The following ZMYND11 variants were observed in gnomAD, a reference collection of about 807,000 sequenced individuals.
ZMYND11 encodes zinc finger MYND-type containing 11, also known as zinc finger MYND domain-containing protein 11.
ZMYND11 carries 9 observed loss-of-function variants against 84.9 expected under a neutral mutation model. That is an observed-to-expected ratio of 0.11 (90% confidence interval 0.06 to 0.18). ZMYND11 has a LOEUF of 0.18. ZMYND11 is among the 10% of genes least tolerant of loss of function. The pLI is 1.00. For missense variants in ZMYND11, 409 were observed against 761.0 expected, an observed-to-expected ratio of 0.54 and a Z score of 5.44; for synonymous variants, 250 against 244.1, an observed-to-expected ratio of 1.02 and a Z score of -0.23.
chr10:246,688 G>C (rs985712302), intron 10 of ZMYND11, 78 bp from the exon 11 acceptor site: 14 of 1,374,736 alleles, frequency 1.0e-5, no homozygotes, highest in Non-Finnish European at 1.3e-5. Context: ...TGGCAGGCAG[G>C]GTCCACTGAA....
intron 4 of ZMYND11, among the ~76,000 whole-genome samples, chr10:236,557 C>T (rs1284793453): frequency 1.3e-5 from 2 of 152,058 alleles, no homozygotes; most frequent in Admixed American, 1.3e-4. Context: ...ATTTGTTTAT[C>T]TAAAAATTAA....
rs1299715822 is a variant in ZMYND11, at chr10:249,481, TCA to T, written c.1686+394_1686+395del. 27 of 984,754 alleles carry T rather than the reference TCA, an allele frequency of 2.7e-5. No individual in the cohort carries two copies. In the South Asian group the frequency reaches 6.1e-4, roughly 22 times the overall value. 61.0% of individuals were successfully genotyped at this position (984,754 alleles called of 1,614,324 possible). A position where few individuals can be genotyped will look rare whatever the true frequency, so the allele number is the denominator to read the frequency against. On this transcript the variant is annotated intron_variant, in intron 14 of 14. Coordinates refer to ENST00000381604, the MANE Select transcript of ZMYND11 (RefSeq NM_001370100.5). ...AATGTAATTATCACAATAAATAGTT[TCA>T]GATTTCCCTGCACTTAACATTTATA...
chr10:222,372 A>C (rs1488973150), intron 4 of ZMYND11, among the ~76,000 whole-genome samples: 1 of 152,194 alleles, frequency 6.6e-6, no homozygotes, highest in Admixed American at 6.5e-5. Flanking sequence ...CTCATTAGGC[A>C]TACAACAGGC....
intron 1 of ZMYND11, among the ~76,000 whole-genome samples, chr10:150,875 C>CT (rs1400410780): frequency 2.0e-5 from 3 of 152,230 alleles, no homozygotes; most frequent in Non-Finnish European, 4.4e-5. Flanking sequence ...GGGTACCCCT[C>CT]TAAGACAAAG....
intron 2 of ZMYND11, among the ~76,000 whole-genome samples, chr10:187,132 G>C (rs961958033): frequency 2.6e-4 from 39 of 151,990 alleles, no homozygotes; most frequent in Admixed American, 2.5e-3. Flanking sequence ...GGGAGGCTGA[G>C]GGAGGATCGC....
chr10:198,278 G>GCTTTAAAA (rs2131035018), intron 2 of ZMYND11, among the ~76,000 whole-genome samples: 1 of 151,996 alleles, frequency 6.6e-6, no homozygotes, highest in South Asian at 2.1e-4. Flanking sequence ...ATTACTAAAT[G>GCTTTAAAA]TTTTACTTTA....
intron 3 of ZMYND11, among the ~76,000 whole-genome samples, chr10:213,630 A>G (rs540990874): frequency 2.5e-4 from 38 of 152,282 alleles, no homozygotes; most frequent in African/African-American, 8.9e-4. Context: ...ATCTCTAAAA[A>G]TTGCTGTAAA....
At chr10:139,376 G>C (rs551599392) in intron 1 of ZMYND11, among the ~76,000 whole-genome samples, 2 of 152,142 alleles carry the variant, frequency 1.3e-5, no homozygotes, top group South Asian at 4.2e-4. Flanking sequence ...ATTTCTACTA[G>C]GAATTCAGCA....
intron 1 of ZMYND11, among the ~76,000 whole-genome samples, chr10:137,924 A>C (rs1013516865): frequency 2.6e-5 from 4 of 152,308 alleles, no homozygotes. Context: ...TCCCCCATAG[A>C]GATTGCTCAT....
chr10:178,964 A>T (rs1277949058), intron 1 of ZMYND11, among the ~76,000 whole-genome samples: 3 of 152,194 alleles, frequency 2.0e-5, no homozygotes, highest in Non-Finnish European at 1.5e-5. Flanking sequence ...GGAACACAGC[A>T]AAGTGCTTCC....
intron 2 of ZMYND11, among the ~76,000 whole-genome samples, chr10:196,290 TA>T (rs1214699179): frequency 6.6e-6 from 1 of 152,204 alleles, no homozygotes; most frequent in East Asian, 1.9e-4. Context: ...TTTTTTCTGC[TA>T]AGTATTGTTG....
chr10:195,230 GAC>G (rs1941442461), intron 2 of ZMYND11, among the ~76,000 whole-genome samples: 1 of 152,114 alleles, frequency 6.6e-6, no homozygotes. Flanking sequence ...GACTTTTGTA[GAC>G]AAATACAATC....
At chr10:243,452 ATTTTTC>A (rs1003918405) in intron 10 of ZMYND11, among the ~76,000 whole-genome samples, 25 of 152,192 alleles carry the variant, frequency 1.6e-4, no homozygotes, top group Non-Finnish European at 2.5e-4. Context: ...TTATCTATAT[ATTTTTC>A]TTTTTCATCA....
At chr10:205,325 T>G (rs1414973408) in intron 2 of ZMYND11, among the ~76,000 whole-genome samples, 1 of 152,222 alleles carries the variant, frequency 6.6e-6, no homozygotes, top group African/African-American at 2.4e-5. Context: ...AGCATTTTTT[T>G]GTATGTTTGT....
intron 2 of ZMYND11, among the ~76,000 whole-genome samples, chr10:184,514 A>AT (rs1361937784): frequency 3.3e-5 from 5 of 151,668 alleles, no homozygotes; most frequent in Non-Finnish European, 7.4e-5. Flanking sequence ...TTCTGAAGTG[A>AT]TTTTTTTTCC....
intron 2 of ZMYND11, among the ~76,000 whole-genome samples, chr10:204,570 A>C (rs967191639): frequency 3.3e-5 from 5 of 152,270 alleles, no homozygotes; most frequent in African/African-American, 9.6e-5. Context: ...CAAACTCCTT[A>C]TCAACTTTTA....
upstream of ZMYND11, among the ~76,000 whole-genome samples, chr10:133,488 G>T (rs150720301): frequency 6.6e-6 from 1 of 152,092 alleles, no homozygotes; most frequent in Admixed American, 6.6e-5. Context: ...TGGTATCTGC[G>T]TATAAAATTT....
intron 1 of ZMYND11, among the ~76,000 whole-genome samples, chr10:156,412 T>G (rs1841734492): frequency 6.6e-6 from 1 of 152,224 alleles, no homozygotes. Flanking sequence ...CTTAAATCAC[T>G]TACTTGGAAA....
At chr10:239,778 G>T (rs919147905) in intron 7 of ZMYND11, among the ~76,000 whole-genome samples, 1 of 152,162 alleles carries the variant, frequency 6.6e-6, no homozygotes, top group Non-Finnish European at 1.5e-5. Context: ...TTAGCTGAGA[G>T]GTTTTTAATA....
Sources: allele counts gnomAD v4.1 joint callset (sites outside exome capture counted in the v4.1 genomes callset), GRCh38; gene constraint gnomAD v4.1.1; transcripts MANE v1.5; gene names NCBI Gene and HGNC (gene_info 2026-07-23, HGNC 2026-07-21).